The following ZNF66 variants were observed in gnomAD, a reference collection of about 807,000 sequenced individuals.
The protein encoded by ZNF66 is putative zinc finger protein 66.
A neutral mutation model predicts 35.2 loss-of-function variants in ZNF66; 32 were observed. The observed-to-expected ratio is 0.91, with a 90% CI of 0.69 to 1.22. The LOEUF is 1.22. Ranked by LOEUF, ZNF66 falls within the 50% of genes most tolerant of loss-of-function variation. The probability of loss-of-function intolerance (pLI) is 0.00; values close to 1 mark genes in which losing one functional copy is unlikely to be tolerated. For synonymous variants in ZNF66, 231 were observed against 181.3 expected, an observed-to-expected ratio of 1.27 and a Z score of -2.20; for missense variants, 666 against 543.1, an observed-to-expected ratio of 1.23 and a Z score of -2.25.
intron 1 of ZNF66, among the ~76,000 whole-genome samples, chr19:20,781,265 C>T (rs7257856): frequency 0.38 from 57,617 of 151,914 alleles, 11,552 homozygotes; most frequent in East Asian, 0.46. Flanking sequence ...TCGGGGTACA[C>T]GTGGGTTTCT....
At chr19:20,779,941 A>C (rs1019091956) in intron 1 of ZNF66, among the ~76,000 whole-genome samples, 8 of 151,154 alleles carry the variant, frequency 5.3e-5, no homozygotes, top group Non-Finnish European at 7.4e-5. Flanking sequence ...AAAAAAAAAA[A>C]AAACACCAAA....
chr19:20,795,494 A>C (rs1250435489), intron 3 of ZNF66, among the ~76,000 whole-genome samples: 1 of 151,380 alleles, frequency 6.6e-6, no homozygotes, highest in Non-Finnish European at 1.5e-5. Context: ...CAGCCTCCCA[A>C]GTAGCTGCAA....
intron 1 of ZNF66, among the ~76,000 whole-genome samples, chr19:20,781,696 T>C (rs11666102): frequency 0.093 from 14,121 of 151,900 alleles, 669 homozygotes; most frequent in Middle Eastern, 0.11. Context: ...TTAATAGAGA[T>C]GGAGTTTCTC....
rs1169858296 is a variant in ZNF66 at position 20,809,641 on chromosome 19, G to T, written c.*2319G>T. ...AGACAAGCAAATGCTGAGAGATTTT[G>T]TCACCACCAGGCCTGCCCTAAAAGA... On this transcript the variant is annotated 3_prime_UTR_variant, in exon 4 of 4. Transcript: ENST00000344519. 2.6e-5 allele frequency among the ~76,000 whole-genome samples: 4 copies of T among 151,780 alleles called. No homozygotes were observed. Among genetic ancestry groups the T allele is most frequent in the South Asian group, 2.1e-4 (1 of 4,758 alleles).
intron 3 of ZNF66, among the ~76,000 whole-genome samples, chr19:20,805,107 T>TGTGTG (rs1555783673): frequency 1.4e-5 from 2 of 147,930 alleles, no homozygotes; most frequent in African/African-American, 5.0e-5. Context: ...CAATTTACAT[T>TGTGTG]TGTGTGTGTG....
At chr19:20,802,058 C>A (rs1971453082) in intron 3 of ZNF66, among the ~76,000 whole-genome samples, 1 of 151,972 alleles carries the variant, frequency 6.6e-6, no homozygotes, top group Non-Finnish European at 1.5e-5. Context: ...AATATATGTG[C>A]TGCCTTCTGT....
In ZNF66 at chr19:20,805,924, T is replaced by G; in HGVS notation, c.324T>G (p.His108Gln). 1 of 678,116 alleles carries G rather than the reference T, an allele frequency of 1.5e-6. No individual in the cohort carries two copies. Among genetic ancestry groups the G allele is most frequent in the Non-Finnish European group, 2.7e-6 (1 of 376,864 alleles). 42.0% of individuals were successfully genotyped at this position (678,116 alleles called of 1,614,324 possible). The change falls in exon 4 of 4, where the codon CAT becomes CAG. Residue 108 changes from histidine to glutamine, a missense_variant. By Grantham distance (24) the His-to-Gln change is conservative. Coordinates refer to ENST00000344519, the MANE Select transcript of ZNF66 (RefSeq NM_001355197.2). ...TGAGAAGGCATAAAAAATGTGGACA[T>G]GATAATTTGCAGTTAAAAAAAGGCT... is the stretch of plus-strand genomic sequence containing the variant. Reference protein sequence around the residue: ...LILRRHKKCGHDNLQLKKGCE... With the variant: ...LILRRHKKCGQDNLQLKKGCE...
At chr19:20,796,151 G>GT (rs1239204449) in intron 3 of ZNF66, among the ~76,000 whole-genome samples, 3 of 151,864 alleles carry the variant, frequency 2.0e-5, no homozygotes, top group Non-Finnish European at 4.4e-5. Flanking sequence ...AATGTACCAT[G>GT]TATCTGTCAT....
At chr19:20,788,782 G>A (rs141435658) in intron 1 of ZNF66, among the ~76,000 whole-genome samples, 94 of 152,136 alleles carry the variant, frequency 6.2e-4, no homozygotes, top group African/African-American at 2.2e-3. Context: ...GCTGGGCATG[G>A]TTGTTCATGC....
intron 3 of ZNF66, among the ~76,000 whole-genome samples, chr19:20,802,608 T>C (rs985106726): frequency 6.6e-6 from 1 of 152,258 alleles, no homozygotes; most frequent in Non-Finnish European, 1.5e-5. Flanking sequence ...GCCTAACTTG[T>C]GGTCTATATA....
chr19:20,795,425 T>C (rs1423562568), intron 3 of ZNF66, among the ~76,000 whole-genome samples: 1 of 151,300 alleles, frequency 6.6e-6, no homozygotes, highest in Non-Finnish European at 1.5e-5. Context: ...TGGAGTGCAA[T>C]GGTGCGATCT....
chr19:20,781,147 T>C (rs1971241903), intron 1 of ZNF66, among the ~76,000 whole-genome samples: 1 of 152,136 alleles, frequency 6.6e-6, no homozygotes, highest in African/African-American at 2.4e-5. Context: ...TAAATCAGAG[T>C]ATGGCTGCAT....
At position 20,806,930 on chromosome 19, in the gene ZNF66, A is replaced by G. The variant is rs766241076; in HGVS notation, c.1330A>G (p.Lys444Glu). Residue 444 changes from lysine (K) to glutamate (E), a missense_variant, in exon 4 of 4, where the codon AAG becomes GAG. Coordinates refer to ENST00000344519, the MANE Select transcript of ZNF66 (RefSeq NM_001355197.2). ...TCGGTCCTCTATTCTTACTACACATAAGATAATTCACACTGGAGAGAAACC... is the reference window on the plus strand; with the variant it reads ...TCGGTCCTCTATTCTTACTACACATGAGATAATTCACACTGGAGAGAAACC... ...FSRSSILTTH[K>E]IIHTGEKPYE... 1.7e-6 allele frequency: 2 copies of G among 1,195,118 alleles called. No individual in the cohort carries two copies. The highest frequency in any genetic ancestry group is 2.3e-5 in the East Asian group (1 of 42,808). 74.0% of individuals were successfully genotyped at this position (1,195,118 alleles called of 1,614,324 possible).
Position 20,809,793 on chromosome 19 carries a change from T to C in ZNF66, c.*2471T>C, listed in dbSNP as rs138097948. On this transcript the variant is annotated 3_prime_UTR_variant, in exon 4 of 4. Transcript: ENST00000344519. ...TGAACTAACGAGCAAAATAACCAGC[T>C]AACATCATAATGACAGCATCAAATT... Among the ~76,000 whole-genome samples the C allele has an allele frequency of 0.027, 4,047 of 151,534 alleles. 169 individuals are homozygous for C. Among genetic ancestry groups the C allele is most frequent in the African/African-American group, 0.092 (3,792 of 41,304 alleles).
chr19:20,796,546 A>G (rs1321839153), intron 3 of ZNF66, among the ~76,000 whole-genome samples: 1 of 152,202 alleles, frequency 6.6e-6, no homozygotes, highest in African/African-American at 2.4e-5. Context: ...TTTGTTTTAC[A>G]TATCAGAGGG....
chr19:20,793,544 A>G lies in ZNF66; in HGVS notation c.131-239A>G, dbSNP rs371407507. ...CACCATGCTGGCCAGGCTGGTCTCA[A>G]ACTCCTGACCTTAGGATCTGCCTGC... On this transcript the variant is annotated intron_variant, in intron 2 of 3. Coordinates refer to ENST00000344519, the MANE Select transcript of ZNF66 (RefSeq NM_001355197.2). 3.3e-5 allele frequency among the ~76,000 whole-genome samples: 5 copies of G among 151,654 alleles called. No homozygotes were observed. In the East Asian group the frequency reaches 7.7e-4, roughly 23 times the overall value.
chr19:20,782,093 C>T (rs1422882579), intron 1 of ZNF66, among the ~76,000 whole-genome samples: 1 of 152,052 alleles, frequency 6.6e-6, no homozygotes, highest in Non-Finnish European at 1.5e-5. Flanking sequence ...TGGGCGTTAC[C>T]ACACCTGGCC....
At chr19:20,777,476 A>T (rs1971206359) in intron 1 of ZNF66, among the ~76,000 whole-genome samples, 3 of 89,980 alleles carry the variant, frequency 3.3e-5, no homozygotes, top group Non-Finnish European at 7.7e-5. Flanking sequence ...TTTTTTTTAG[A>T]AATAGAAATC....
intron 3 of ZNF66, 24 bp from the exon 4 acceptor site, chr19:20,805,803 G>C (rs2144918499): frequency 1.8e-6 from 1 of 543,828 alleles, no homozygotes; most frequent in Admixed American, 2.9e-5. Context: ...AAGTGAAGTA[G>C]TGTGTTTTTA....
Sources: gnomAD v4.1 joint callset for allele counts (sites outside exome capture counted in the v4.1 genomes callset) on GRCh38, gnomAD v4.1.1 for gene constraint, MANE v1.5 for transcripts, NCBI Gene and HGNC (gene_info 2026-07-23, HGNC 2026-07-21) for gene names.